The following VASH2 variants were observed in gnomAD, a reference collection of about 807,000 sequenced individuals.
VASH2 encodes the protein vasohibin 2.
A neutral mutation model predicts 37.2 loss-of-function variants in VASH2; 28 were observed. The ratio of observed to expected loss-of-function variants is 0.75; its 90% CI spans 0.56 to 1.03. The LOEUF (loss-of-function observed/expected upper bound fraction) is 1.03. VASH2 is among the 50% of genes least tolerant of loss of function. The pLI is 0.00. For missense variants in VASH2, 419 were observed against 459.1 expected (o/e 0.91, Z 0.80); for synonymous variants, 188 against 174.7 (o/e 1.08, Z -0.60).
At chr1:212,968,840 G>C (rs1666923741) in intron 5 of VASH2, 8 of 985,354 alleles carry the variant, frequency 8.1e-6, no homozygotes, top group Non-Finnish European at 9.6e-6. Flanking sequence ...GCCCTTCATG[G>C]GGTAGACAAG....
At chr1:212,963,241 C>T (rs764485731) in intron 3 of VASH2, among the ~76,000 whole-genome samples, 6 of 152,152 alleles carry the variant, frequency 3.9e-5, no homozygotes, top group African/African-American at 4.8e-5. Flanking sequence ...ATTATGACTG[C>T]GAAGGTCAAT....
rs1369674098 is a variant in VASH2 at position 212,967,139 on chromosome 1, G to A, written c.497+794G>A. 14 of 1,304,418 alleles carry A rather than the reference G, an allele frequency of 1.1e-5. 1 individual carries two copies. Among genetic ancestry groups the A allele is most frequent in the Non-Finnish European group, 1.2e-5 (12 of 989,022 alleles). 80.8% of individuals were successfully genotyped at this position (1,304,418 alleles called of 1,614,324 possible). ...AACCCACAGCTAAAACAAGGGTCTA[G>A]CTTCTCCCACACTTTCTGTTCCATT... On this transcript the variant is annotated intron_variant, in intron 5 of 7. Coordinates refer to ENST00000517399, the MANE Select transcript of VASH2 (RefSeq NM_001301056.2).
At position 212,951,716 on chromosome 1, in the gene VASH2, C is replaced by G; in HGVS notation, c.174C>G (p.Ile58Met). The G allele has an allele frequency of 6.2e-7, 1 of 1,604,224 alleles. No individual in the cohort carries two copies. Among genetic ancestry groups the G allele is most frequent in the Non-Finnish European group, 8.5e-7 (1 of 1,176,668 alleles). The part of the protein sequence containing the change: ...LFHVNKSGFP[I>M]DSHTWERMWM... ...ACGTCAACAAGAGCGGCTTCCCCAT[C>G]GACAGCCACACCTGGGAGCGCATGT... Residue 58 changes from isoleucine to methionine, a missense_variant, in exon 2 of 8, where the codon ATC becomes ATG. Physicochemically the swap from Ile to Met is conservative, Grantham distance 10. Coordinates refer to ENST00000517399, the MANE Select transcript of VASH2 (RefSeq NM_001301056.2). The surrounding 1 kb of genome is among the most constrained non-coding windows in gnomAD (Gnocchi z 4.4).
rs545238071 is a variant in VASH2, at chr1:212,988,001, T to C, written c.996-511T>C. On this transcript the variant is annotated intron_variant, in intron 7 of 7. Transcript: ENST00000517399. ...TGAGTGATTTTCCACACTGACATGC[T>C]TTTTCAGATGAATCCTAAGATTCAC... Among the ~76,000 whole-genome samples the C allele has an allele frequency of 2.0e-5, 3 of 152,334 alleles. No homozygotes were observed. In the East Asian group the frequency reaches 5.8e-4, roughly 29 times the overall value.
intron 2 of VASH2, among the ~76,000 whole-genome samples, chr1:212,956,321 C>CCCTT (rs1666488625): frequency 6.6e-6 from 1 of 151,726 alleles, no homozygotes; most frequent in African/African-American, 2.4e-5. Flanking sequence ...TCCACTCCCT[C>CCCTT]CTCCTGCCCC....
rs147838895 is a variant in VASH2, at chr1:212,951,771, G to T, written c.229G>T (p.Gly77Trp). ...GCACGTGGCCAAGGTGCACCCTAAGGGGGGAGAAATGGTGGGCGCCATCAG... is the reference window on the plus strand; with the variant it reads ...GCACGTGGCCAAGGTGCACCCTAAGTGGGGAGAAATGGTGGGCGCCATCAG... ...WMHVAKVHPK[G>W]GEMVGAIRNA... Residue 77 changes from glycine (G) to tryptophan (W), a missense_variant, in exon 2 of 8, where the codon GGG becomes TGG. Gly to Trp is a radical substitution (Grantham distance 184). Coordinates refer to ENST00000517399, the MANE Select transcript of VASH2 (RefSeq NM_001301056.2). The surrounding 1 kb of genome is among the most constrained non-coding windows in gnomAD (Gnocchi z 4.4). 4.4e-6 allele frequency: 7 copies of T among 1,608,976 alleles called. No individual in the cohort carries two copies. The highest frequency in any genetic ancestry group is 2.7e-5 in the African/African-American group (2 of 74,930).
intron 7 of VASH2, among the ~76,000 whole-genome samples, chr1:212,984,213 A>C (rs1319327655): frequency 1.3e-5 from 2 of 152,222 alleles, no homozygotes; most frequent in Non-Finnish European, 2.9e-5. Context: ...ATCTATTTTC[A>C]AATGTGCCAA....
intron 7 of VASH2, among the ~76,000 whole-genome samples, chr1:212,985,566 G>T (rs966669565): frequency 6.6e-6 from 1 of 151,860 alleles, no homozygotes; most frequent in Non-Finnish European, 1.5e-5. Context: ...ACAGGAATGC[G>T]CCATCATACC....
At chr1:212,984,343 C>T (rs1009506095) in intron 7 of VASH2, among the ~76,000 whole-genome samples, 3 of 152,074 alleles carry the variant, frequency 2.0e-5, no homozygotes, top group Non-Finnish European at 4.4e-5. Flanking sequence ...AGTGGCTTCT[C>T]GAGGAGGTGG....
In VASH2 at chr1:212,972,845, G is replaced by A. The variant is rs775256605; in HGVS notation, c.763G>A (p.Glu255Lys). ...KVKIGLYVPHEPHSFQPIEWK... is the reference protein window; with the variant it reads ...KVKIGLYVPHKPHSFQPIEWK... Reference sequence around the variant, plus strand: ...CAAGATTGGGCTGTACGTCCCCCATGAGCCTCATAGCTTCCAGCCCATTGA... The same window carrying A: ...CAAGATTGGGCTGTACGTCCCCCATAAGCCTCATAGCTTCCAGCCCATTGA... The change falls in exon 6 of 8, where the codon GAG (glutamate) becomes AAG (lysine). Residue 255 changes from glutamate (E) to lysine (K), a missense_variant. Transcript: ENST00000517399. 12 of 1,614,012 alleles carry A rather than the reference G, an allele frequency of 7.4e-6. No individual in the cohort carries two copies. In the East Asian group the frequency reaches 2.4e-4, roughly 33 times the overall value.
Position 212,989,806 on chromosome 1 carries a change from ATGTC to A in VASH2, c.*1225_*1228del, listed in dbSNP as rs2075839221. On this transcript the variant is annotated 3_prime_UTR_variant, in exon 8 of 8. Coordinates refer to ENST00000517399, the MANE Select transcript of VASH2 (RefSeq NM_001301056.2). Reference sequence around the variant, plus strand: ...AATTCAGTCCCTAAGCACAGAATGAATGTCTGGCCTGCATATGGTAGTTACAGTG... The same window carrying A: ...AATTCAGTCCCTAAGCACAGAATGAATGGCCTGCATATGGTAGTTACAGTG... The A allele has an allele frequency of 6.6e-6, 1 of 152,184 alleles. No individual in the cohort carries two copies. The highest frequency in any genetic ancestry group is 2.4e-5 in the African/African-American group (1 of 41,446). The allele number at this position is 152,184 out of a possible 1,614,324, so 9.4% of individuals were successfully genotyped here.
intron 2 of VASH2, among the ~76,000 whole-genome samples, chr1:212,954,899 A>G (rs1391227956): frequency 6.6e-6 from 1 of 152,180 alleles, no homozygotes; most frequent in East Asian, 1.9e-4. Flanking sequence ...TTGGTTCTCT[A>G]TCCCCAGTCC....
At chr1:212,988,470 C>T (rs1036766623) in intron 7 of VASH2, 42 bp from the exon 8 acceptor site, 3 of 1,600,084 alleles carry the variant, frequency 1.9e-6, no homozygotes, top group Non-Finnish European at 2.6e-6. Flanking sequence ...TTTCTTTGCC[C>T]CATCCCCTCT....
intron 2 of VASH2, among the ~76,000 whole-genome samples, chr1:212,960,189 C>T (rs902720048): frequency 2.6e-5 from 4 of 152,210 alleles, no homozygotes; most frequent in African/African-American, 9.7e-5. Context: ...CTCTAAATTC[C>T]TGAGAAGTGG....
intron 7 of VASH2, among the ~76,000 whole-genome samples, chr1:212,984,800 T>A (rs1057208906): frequency 5.9e-5 from 9 of 152,316 alleles, no homozygotes; most frequent in African/African-American, 1.7e-4. Context: ...ATGGCTTAGG[T>A]CCTACATAGT....
intron 2 of VASH2, among the ~76,000 whole-genome samples, chr1:212,953,228 C>T (rs1025150272): frequency 6.5e-5 from 7 of 108,116 alleles, no homozygotes; most frequent in Non-Finnish European, 1.4e-4. Flanking sequence ...TATGCGGGTG[C>T]GCGGGGGGGG....
At position 212,989,492 on chromosome 1, in the gene VASH2, C is replaced by CAAA. The variant is rs1460115944; in HGVS notation, c.*912_*914dup. 1 of 152,054 alleles carries CAAA rather than the reference C, an allele frequency of 6.6e-6. No homozygotes were observed. The highest frequency in any genetic ancestry group is 1.5e-5 in the Non-Finnish European group (1 of 68,006). The allele number at this position is 152,054 out of a possible 1,614,324, so 9.4% of individuals were successfully genotyped here. ...GGAGTGATCAGCAGGTCTTCAGAAC[C>CAAA]AAAAAACCTTTCTGTTCACATTTCA... is the stretch of plus-strand genomic sequence containing the variant. On this transcript the variant is annotated 3_prime_UTR_variant, in exon 8 of 8. Transcript: ENST00000517399.
At chr1:212,972,477 AG>A in intron 5 of VASH2, 102 bp from the exon 6 acceptor site, 2 of 1,419,798 alleles carry the variant, frequency 1.4e-6, no homozygotes, top group African/African-American at 1.4e-5. Context: ...GCTCAGAGGC[AG>A]GGGGATGGAC....
intron 6 of VASH2, chr1:212,973,703 T>C (rs755972382): frequency 7.0e-6 from 9 of 1,288,102 alleles, no homozygotes; most frequent in Middle Eastern, 3.1e-4. Context: ...TTCCTCTCTC[T>C]ACACGGCACA....
Sources: gnomAD v4.1 joint callset for allele counts (sites outside exome capture counted in the v4.1 genomes callset) on GRCh38, gnomAD v4.1.1 for gene constraint, Gnocchi (gnomAD v3.1) non-coding constraint, MANE v1.5 for transcripts, NCBI Gene and HGNC (gene_info 2026-07-23, HGNC 2026-07-21) for gene names.